The following LHX4 variants were observed in gnomAD, a reference collection of about 807,000 sequenced individuals.
The protein encoded by LHX4 is LIM/homeobox protein Lhx4.
A neutral mutation model predicts 39.2 loss-of-function variants in LHX4; 16 were observed. That is an observed-to-expected ratio of 0.41 (90% CI 0.28 to 0.62). The LOEUF (loss-of-function observed/expected upper bound fraction) is 0.62. LHX4 is among the 20% of genes least tolerant of loss of function. The pLI is 0.33. For synonymous variants in LHX4, 206 were observed against 198.1 expected (o/e 1.04, Z -0.33); for missense variants, 439 against 511.9 (o/e 0.86, Z 1.37).
intron 2 of LHX4, among the ~76,000 whole-genome samples, chr1:180,261,891 C>T (rs12058637): frequency 0.038 from 5,782 of 152,224 alleles, 239 homozygotes; most frequent in African/African-American, 0.1. Flanking sequence ...AACAGTCCTT[C>T]GGGAAGAAAA....
chr1:180,255,164 C>G (rs902138042), intron 2 of LHX4, among the ~76,000 whole-genome samples: 8 of 152,266 alleles, frequency 5.3e-5, no homozygotes, highest in Non-Finnish European at 1.5e-5. Flanking sequence ...GCCTGGGTGG[C>G]TTTCCACTGT....
At chr1:180,269,987 C>G (rs1191971568) in intron 3 of LHX4, 6 of 152,250 alleles carry the variant, frequency 3.9e-5, no homozygotes, top group Admixed American at 3.9e-4. Context: ...GAAGGGAAGG[C>G]ACGGGTGTGT....
intron 2 of LHX4, among the ~76,000 whole-genome samples, chr1:180,257,460 C>G (rs1012061828): frequency 6.6e-6 from 1 of 152,198 alleles, no homozygotes; most frequent in Non-Finnish European, 1.5e-5. Context: ...CTCTAAGATT[C>G]TCTGGTGTCA....
chr1:180,278,056 G>A lies in LHX4; in HGVS notation c.*3477G>A, dbSNP rs1215061032. The A allele has an allele frequency of 6.6e-6, 1 of 152,182 alleles. No individual in the cohort carries two copies. 9.4% of individuals were successfully genotyped at this position (152,182 alleles called of 1,614,324 possible). A position where few individuals can be genotyped will look rare whatever the true frequency, so the allele number is the denominator to read the frequency against. ...TTACAGGAGGGGGCTCAAGGCTTCT[G>A]ATGAGCAAAGGCTGTGTGTTGTATG... On this transcript the variant is annotated 3_prime_UTR_variant, in exon 6 of 6. Transcript: ENST00000263726.
At position 180,266,612 on chromosome 1, in the gene LHX4, G is replaced by T. The variant is rs746842916; in HGVS notation, c.451+18G>T. ...GCAGAACGGTAAGCAGCATGGCCCCGCATGGTCCCCTCTCCAGGCCTTTGT... is the reference window on the plus strand; with the variant it reads ...GCAGAACGGTAAGCAGCATGGCCCCTCATGGTCCCCTCTCCAGGCCTTTGT... On this transcript the variant is annotated intron_variant, in intron 3 of 5. Coordinates refer to ENST00000263726, the MANE Select transcript of LHX4 (RefSeq NM_033343.4). The surrounding 1 kb of genome is among the most constrained non-coding windows in gnomAD (Gnocchi z 5.7). 3.1e-6 allele frequency: 5 copies of T among 1,611,430 alleles called. No homozygotes were observed. The South Asian group carries it at 5.5e-5, about 18-fold the overall frequency.
chr1:180,249,499 G>A (rs1040383557), intron 2 of LHX4, among the ~76,000 whole-genome samples: 3 of 152,228 alleles, frequency 2.0e-5, no homozygotes, highest in Non-Finnish European at 4.4e-5. Flanking sequence ...AGTCACACCA[G>A]CCTGGGTGGC....
chr1:180,265,635 G>T (rs993728557), intron 2 of LHX4, among the ~76,000 whole-genome samples: 1 of 152,194 alleles, frequency 6.6e-6, no homozygotes, highest in African/African-American at 2.4e-5. Flanking sequence ...ACCAAGGAGA[G>T]GTCTGAAGCA....
At position 180,266,272 on chromosome 1, in the gene LHX4, G is replaced by A. The variant is rs7538065; in HGVS notation, c.249-120G>A. On this transcript the variant is annotated intron_variant, in intron 2 of 5. Transcript: ENST00000263726. This position sits in a 1 kb window ranked among gnomAD's most constrained non-coding sequence, Gnocchi z 5.7. ...CCAGACGGTAAGCTCTGGGTGACTG[G>A]GGGGTGAGGCTCATGGAGTCCCGGA... is the stretch of plus-strand genomic sequence containing the variant. The A allele has an allele frequency of 0.095, 86,721 of 913,846 alleles. 5,750 individuals are homozygous for A. Among genetic ancestry groups the A allele is most frequent in the Admixed American group, 0.27 (15,336 of 55,966 alleles). 56.6% of individuals were successfully genotyped at this position (913,846 alleles called of 1,614,324 possible). A position where few individuals can be genotyped will look rare whatever the true frequency, so the allele number is the denominator to read the frequency against.
Position 180,275,180 on chromosome 1 carries a change from T to C in LHX4, c.*601T>C, listed in dbSNP as rs1311348418. 6.6e-6 allele frequency: 1 copy of C among 152,266 alleles called. No individual in the cohort carries two copies. The highest frequency in any genetic ancestry group is 1.5e-5 in the Non-Finnish European group (1 of 68,072). The allele number at this position is 152,266 out of a possible 1,614,324, so 9.4% of individuals were successfully genotyped here. A position where few individuals can be genotyped will look rare whatever the true frequency, so the allele number is the denominator to read the frequency against. ...ATTTTTGCTGTGAAGATATGAATTC[T>C]TTCCTACAAACCAGAGAATATGAAC... is the stretch of plus-strand genomic sequence containing the variant. On this transcript the variant is annotated 3_prime_UTR_variant, in exon 6 of 6. Coordinates refer to ENST00000263726, the MANE Select transcript of LHX4 (RefSeq NM_033343.4).
intron 1 of LHX4, among the ~76,000 whole-genome samples, chr1:180,237,276 CTCTT>C (rs959984017): frequency 2.6e-5 from 4 of 152,124 alleles, no homozygotes; most frequent in African/African-American, 4.8e-5. Context: ...GGAGCCATCT[CTCTT>C]TCTAGGCGCC....
chr1:180,269,914 G>C (rs1648535690), intron 3 of LHX4: 1 of 152,272 alleles, frequency 6.6e-6, no homozygotes, highest in Non-Finnish European at 1.5e-5. Flanking sequence ...TTCAGGGAGG[G>C]AGTTGGGCCA....
At position 180,274,362 on chromosome 1, in the gene LHX4, C is replaced by A. The variant is rs1648894506; in HGVS notation, c.956C>A (p.Ser319Tyr). 1.2e-6 allele frequency: 2 copies of A among 1,614,214 alleles called. No homozygotes were observed. The highest frequency in any genetic ancestry group is 1.6e-4 in the Middle Eastern group (1 of 6,062). Reference protein sequence around the residue: ...GIPQSPSSISSLPSHAPLLNG... With the variant: ...GIPQSPSSISYLPSHAPLLNG... The stretch of plus-strand genomic sequence containing the variant: ...CCCCAGTCTCCATCCTCCATATCGT[C>A]CCTGCCATCCCACGCTCCTTTGCTC... Residue 319 changes from serine (S) to tyrosine (Y), a missense_variant, in exon 6 of 6, where the codon TCC (serine) becomes TAC (tyrosine). Transcript: ENST00000263726.
Position 180,230,546 on chromosome 1 carries a change from CT to C in LHX4, c.18del (p.Val7SerfsTer14). On this transcript the variant is annotated frameshift_variant, in exon 1 of 6. Transcript: ENST00000263726. LOFTEE classifies it high-confidence loss of function. The surrounding 1 kb of genome is among the most constrained non-coding windows in gnomAD (Gnocchi z 5.8). MMQSA[T>X]VPAEGAVKGL... The stretch of plus-strand genomic sequence containing the variant: ...CGCTCCGAGATGATGCAGAGTGCGA[CT>C]GTCCCCGCGGAAGGGGCTGTCAAGG... The C allele has an allele frequency of 6.2e-7, 1 of 1,613,928 alleles. No homozygotes were observed.
upstream of LHX4, among the ~76,000 whole-genome samples, chr1:180,229,431 G>A (rs75410710): frequency 0.16 from 24,395 of 152,110 alleles, 2,251 homozygotes; most frequent in Non-Finnish European, 0.21. Context: ...CGCGCGGGGG[G>A]CCTGCGTCCC....
intron 3 of LHX4, among the ~76,000 whole-genome samples, chr1:180,267,714 GA>G (rs1320947098): frequency 1.3e-5 from 2 of 151,958 alleles, no homozygotes; most frequent in Non-Finnish European, 2.9e-5. Context: ...GGCTTGATGA[GA>G]AAAAAAATTA....
intron 3 of LHX4, among the ~76,000 whole-genome samples, chr1:180,268,761 C>CT (rs1219033676): frequency 6.6e-6 from 1 of 152,182 alleles, no homozygotes; most frequent in Non-Finnish European, 1.5e-5. Flanking sequence ...TCCCCGGGTC[C>CT]TTTCCTGACC....
rs1649051379 is a variant in LHX4 at position 180,276,715 on chromosome 1, A to G, written c.*2136A>G. 6.6e-6 allele frequency: 1 copy of G among 152,188 alleles called. No homozygotes were observed. The highest frequency in any genetic ancestry group is 1.5e-5 in the Non-Finnish European group (1 of 68,038). The allele number at this position is 152,188 out of a possible 1,614,324, so 9.4% of individuals were successfully genotyped here. On this transcript the variant is annotated 3_prime_UTR_variant, in exon 6 of 6. Transcript: ENST00000263726. Reference sequence around the variant, plus strand: ...GCTCTGCTGGGCAATGAACCAGATGAAAAGCTGCCCACCCAGATCACTGTT... The same window carrying G: ...GCTCTGCTGGGCAATGAACCAGATGGAAAGCTGCCCACCCAGATCACTGTT...
At chr1:180,261,028 G>A (rs1648094543) in intron 2 of LHX4, among the ~76,000 whole-genome samples, 1 of 151,892 alleles carries the variant, frequency 6.6e-6, no homozygotes, top group African/African-American at 2.4e-5. Flanking sequence ...GCGACAGCAA[G>A]TGGGATGTAA....
chr1:180,252,821 G>A (rs1485110834), intron 2 of LHX4, among the ~76,000 whole-genome samples: 2 of 152,206 alleles, frequency 1.3e-5, no homozygotes, highest in African/African-American at 2.4e-5. Flanking sequence ...AGCAGGGGGC[G>A]ATGTTGGTGT....
Sources: gnomAD v4.1 joint callset for allele counts (sites outside exome capture counted in the v4.1 genomes callset) on GRCh38, gnomAD v4.1.1 for gene constraint, Gnocchi (gnomAD v3.1) non-coding constraint, MANE v1.5 for transcripts, NCBI Gene and HGNC (gene_info 2026-07-23, HGNC 2026-07-21) for gene names.